Variants in MAGI3 observed in about 807,000 individuals in gnomAD.
MAGI3 encodes membrane-associated guanylate kinase, WW and PDZ domain-containing protein 3.
MAGI3 carries 43 observed loss-of-function variants against 121.8 expected under a neutral mutation model. That is an observed-to-expected ratio of 0.35 (90% CI 0.28 to 0.46). MAGI3 has a LOEUF of 0.46. Ranked by LOEUF, MAGI3 falls within the 20% of genes least tolerant of loss-of-function variation. The pLI is 1.00. For synonymous variants in MAGI3, 553 were observed against 639.3 expected, an observed-to-expected ratio of 0.86 and a Z score of 2.04; for missense variants, 1,547 against 1,797.3, an observed-to-expected ratio of 0.86 and a Z score of 2.52.
intron 7 of MAGI3, 108 bp downstream of exon 7, chr1:113,614,766 G>C: frequency 1.4e-6 from 1 of 721,516 alleles, no homozygotes; most frequent in Non-Finnish European, 2.2e-6. Context: ...CAGCTGTTGA[G>C]TTTTTCAACT....
intron 1 of MAGI3, among the ~76,000 whole-genome samples, chr1:113,443,710 A>G (rs1366814991): frequency 6.6e-6 from 1 of 152,210 alleles, no homozygotes; most frequent in African/African-American, 2.4e-5. Flanking sequence ...TTTGATTAAT[A>G]CATTGAAATG....
chr1:113,475,766 C>G (rs549870266), intron 1 of MAGI3, among the ~76,000 whole-genome samples: 46 of 152,290 alleles, frequency 3.0e-4, no homozygotes, highest in Non-Finnish European at 5.0e-4. Flanking sequence ...AGGATTTGCT[C>G]TTTTTCTATT....
chr1:113,419,917 C>T (rs971774881), intron 1 of MAGI3, among the ~76,000 whole-genome samples: 8 of 152,252 alleles, frequency 5.3e-5, no homozygotes, highest in South Asian at 2.1e-4. Flanking sequence ...ATCTTCAGAG[C>T]GTTATCAGTC....
At chr1:113,413,021 T>G (rs190043852) in intron 1 of MAGI3, among the ~76,000 whole-genome samples, 1 of 152,346 alleles carries the variant, frequency 6.6e-6, no homozygotes, top group African/African-American at 2.4e-5. Context: ...GCCTAACATT[T>G]AAGTCTTTAA....
intron 19 of MAGI3, among the ~76,000 whole-genome samples, chr1:113,678,329 G>C (rs984036602): frequency 6.6e-5 from 10 of 152,240 alleles, no homozygotes; most frequent in South Asian, 4.1e-4. Flanking sequence ...TCATGAAAAT[G>C]ATTCTTCTTC....
chr1:113,640,321 G>A (rs1424834255), intron 9 of MAGI3, among the ~76,000 whole-genome samples: 1 of 152,180 alleles, frequency 6.6e-6, no homozygotes, highest in Non-Finnish European at 1.5e-5. Flanking sequence ...AGACAGTGTA[G>A]CAATTCCTTA....
chr1:113,629,757 T>TCTCTCTCTCC (rs1553209675), intron 9 of MAGI3, among the ~76,000 whole-genome samples: 9 of 95,684 alleles, frequency 9.4e-5, no homozygotes, highest in South Asian at 3.4e-4. Context: ...TCTCTCTCTC[T>TCTCTCTCTCC]CTCTCCCTCC....
chr1:113,517,277 C>T (rs1256247879), intron 1 of MAGI3, among the ~76,000 whole-genome samples: 14 of 151,682 alleles, frequency 9.2e-5, no homozygotes, highest in Admixed American at 9.2e-4. Flanking sequence ...GAACTCTATA[C>T]TATCTTTACG....
chr1:113,639,847 C>T (rs1022588220), intron 9 of MAGI3, among the ~76,000 whole-genome samples: 10 of 152,242 alleles, frequency 6.6e-5, no homozygotes, highest in East Asian at 3.9e-4. Context: ...GGATTACAGG[C>T]GTGAGCCACC....
chr1:113,585,747 G>T (rs565194462), intron 4 of MAGI3, 151 bp downstream of exon 4: 51 of 663,968 alleles, frequency 7.7e-5, no homozygotes, highest in Admixed American at 3.0e-4. Context: ...GGAGCAAAGT[G>T]TATTTCTGTA....
intron 2 of MAGI3, among the ~76,000 whole-genome samples, chr1:113,572,995 G>A (rs910498561): frequency 1.4e-4 from 21 of 151,464 alleles, no homozygotes; most frequent in East Asian, 9.7e-4. Flanking sequence ...GCACAATCTC[G>A]GCTCACTGCA....
At chr1:113,676,683 C>T (rs986627110) in intron 19 of MAGI3, among the ~76,000 whole-genome samples, 23 of 151,992 alleles carry the variant, frequency 1.5e-4, no homozygotes, top group Admixed American at 1.1e-3. Context: ...CTCTGGTGGC[C>T]GCTGTCCAAA....
intron 1 of MAGI3, among the ~76,000 whole-genome samples, chr1:113,523,752 G>A (rs1183774234): frequency 1.3e-5 from 2 of 152,216 alleles, no homozygotes; most frequent in African/African-American, 4.8e-5. Flanking sequence ...CAATGTGATA[G>A]AAAAGAAAAT....
chr1:113,597,219 G>T (rs1649074358), intron 6 of MAGI3, among the ~76,000 whole-genome samples: 1 of 152,146 alleles, frequency 6.6e-6, no homozygotes, highest in Non-Finnish European at 1.5e-5. Context: ...GACATAATAG[G>T]CCAGATATTG....
At chr1:113,674,096 T>C (rs1226589174) in intron 19 of MAGI3, among the ~76,000 whole-genome samples, 2 of 152,218 alleles carry the variant, frequency 1.3e-5, no homozygotes, top group Admixed American at 6.5e-5. Flanking sequence ...GAATCTTATA[T>C]AGAAGACATT....
chr1:113,400,716 G>C (rs967103372), intron 1 of MAGI3, among the ~76,000 whole-genome samples: 1 of 152,076 alleles, frequency 6.6e-6, no homozygotes, highest in Non-Finnish European at 1.5e-5. Context: ...GCTTTCAGCA[G>C]AACACTTTGT....
At chr1:113,457,003 G>A (rs1654793121) in intron 1 of MAGI3, among the ~76,000 whole-genome samples, 1 of 152,126 alleles carries the variant, frequency 6.6e-6, no homozygotes, top group Admixed American at 6.5e-5. Context: ...AAAACTTTTG[G>A]AATTAGTAAG....
chr1:113,683,021 T>C lies in MAGI3; in HGVS notation c.3453T>C (p.Ser1151=), dbSNP rs760803569. The C allele has an allele frequency of 3.7e-6, 6 of 1,613,984 alleles. No homozygotes were observed. The East Asian group carries it at 1.1e-4, about 30-fold the overall frequency. Residue 1151 remains serine, a synonymous_variant, in exon 21 of 21, where the codon TCT becomes TCC. Coordinates refer to ENST00000307546, the MANE Select transcript of MAGI3 (RefSeq NM_001142782.2). The stretch of plus-strand genomic sequence containing the variant: ...CTCACGTGCCAGTAATTGAAGAATC[T>C]TTGAGAGTTCAGATATGTGAAAAGG... The part of the protein sequence containing the change: ...EESHVPVIEE[S]LRVQICEKAE...
At chr1:113,481,070 A>G (rs138925142) in intron 1 of MAGI3, among the ~76,000 whole-genome samples, 230 of 152,302 alleles carry the variant, frequency 1.5e-3, no homozygotes, top group African/African-American at 5.1e-3. Flanking sequence ...CATATTACTT[A>G]TACTATGCAT....
Sources: gnomAD v4.1 joint callset for allele counts (sites outside exome capture counted in the v4.1 genomes callset) on GRCh38, gnomAD v4.1.1 for gene constraint, MANE v1.5 for transcripts, NCBI Gene and HGNC (gene_info 2026-07-23, HGNC 2026-07-21) for gene names.